The following SLC1A2 variants were observed in gnomAD, a reference collection of about 807,000 sequenced individuals.
SLC1A2 encodes excitatory amino acid transporter 2.
Under a neutral mutation model 48.8 loss-of-function variants are expected in SLC1A2, and 15 were observed. The observed-to-expected ratio is 0.31, with a 90% confidence interval of 0.21 to 0.47. The LOEUF is 0.47. SLC1A2 is among the 20% of genes least tolerant of loss of function. SLC1A2 has a pLI of 0.99. For synonymous variants in SLC1A2, 279 were observed against 272.6 expected (o/e 1.02, Z -0.23); for missense variants, 502 against 730.5 (o/e 0.69, Z 3.61).
rs1295638265 is a variant in SLC1A2 at position 35,255,491 on chromosome 11, C to T, written c.*5403G>A. The T allele has an allele frequency of 2.0e-5, 3 of 152,142 alleles. No homozygotes were observed. The highest frequency in any genetic ancestry group is 4.8e-5 in the African/African-American group (2 of 41,426). 9.4% of individuals were successfully genotyped at this position (152,142 alleles called of 1,614,324 possible). A position where few individuals can be genotyped will look rare whatever the true frequency, so the allele number is the denominator to read the frequency against. ...ATGGGTGTGCATGTCTACATACTGG[C>T]GGAGAAGAAAAGATATTTACAAACA... On this transcript the variant is annotated 3_prime_UTR_variant, in exon 11 of 11. Transcript: ENST00000278379.
At chr11:35,364,047 C>G (rs1853766758) in intron 1 of SLC1A2, among the ~76,000 whole-genome samples, 1 of 152,170 alleles carries the variant, frequency 6.6e-6, no homozygotes, top group Non-Finnish European at 1.5e-5. Context: ...ATCCCATGCA[C>G]AGAGGCTGGA....
At chr11:35,349,486 TTCC>T (rs141805693) in intron 1 of SLC1A2, among the ~76,000 whole-genome samples, 2,279 of 152,274 alleles carry the variant, frequency 0.015, 55 homozygotes, top group African/African-American at 0.05. Context: ...TGGTACTGTC[TTCC>T]TCATCTCAGA....
chr11:35,407,063 G>A (rs1278147759), intron 1 of SLC1A2, among the ~76,000 whole-genome samples: 1 of 150,122 alleles, frequency 6.7e-6, no homozygotes, highest in African/African-American at 2.5e-5. Context: ...GGGAGACTTA[G>A]AAAGGACTTA....
chr11:35,331,337 AGTTCTTTACTTTG>A (rs1423029176), intron 1 of SLC1A2, among the ~76,000 whole-genome samples: 2 of 152,200 alleles, frequency 1.3e-5, no homozygotes, highest in African/African-American at 4.8e-5. Flanking sequence ...GGACTTGTGC[AGTTCTTTACTTTG>A]GTTCCTTCTA....
At chr11:35,266,891 A>C (rs1950493705) in intron 9 of SLC1A2, among the ~76,000 whole-genome samples, 1 of 152,154 alleles carries the variant, frequency 6.6e-6, no homozygotes, top group South Asian at 2.1e-4. Context: ...CTTATTAGAG[A>C]ATAATAAGGA....
chr11:35,265,301 G>A (rs1317757467), intron 10 of SLC1A2: 10 of 554,062 alleles, frequency 1.8e-5, no homozygotes, highest in African/African-American at 3.8e-5. Flanking sequence ...TCACATGGAC[G>A]AAATAAGCAA....
chr11:35,263,638 GTTAA>G (rs1203310290), intron 10 of SLC1A2, among the ~76,000 whole-genome samples: 2 of 152,108 alleles, frequency 1.3e-5, no homozygotes, highest in Non-Finnish European at 2.9e-5. Context: ...GCCATACGCA[GTTAA>G]CCACTAGGAT....
intron 1 of SLC1A2, among the ~76,000 whole-genome samples, chr11:35,362,070 C>G (rs1047739846): frequency 6.6e-6 from 1 of 152,332 alleles, no homozygotes; most frequent in African/African-American, 2.4e-5. Flanking sequence ...GAGGTTAGCA[C>G]AGAGAATGGA....
chr11:35,323,000 C>T, intron 1 of SLC1A2: 1 of 547,032 alleles, frequency 1.8e-6, no homozygotes, highest in South Asian at 2.2e-5. Flanking sequence ...GTCAGTCTCT[C>T]TCTGACAGAT....
chr11:35,412,042 C>CAAAA (rs5791054), intron 1 of SLC1A2, among the ~76,000 whole-genome samples: 1 of 134,294 alleles, frequency 7.4e-6, no homozygotes, highest in Non-Finnish European at 1.6e-5. Context: ...CTTACTGGAG[C>CAAAA]AAAAAAAAAA....
chr11:35,305,925 C>A (rs1014895314), intron 5 of SLC1A2, 149 bp downstream of exon 5: 4 of 624,242 alleles, frequency 6.4e-6, no homozygotes, highest in Non-Finnish European at 1.1e-5. Context: ...TCGCTCAGCT[C>A]TCAGTCCCAG....
intron 9 of SLC1A2, 81 bp downstream of exon 9, chr11:35,280,786 C>A (rs1850604815): frequency 3.2e-6 from 3 of 936,784 alleles, no homozygotes; most frequent in Non-Finnish European, 4.8e-6. Flanking sequence ...TAGCTAAGAT[C>A]TTGGTTGCAA....
chr11:35,329,230 G>C (rs1426948531), intron 1 of SLC1A2, among the ~76,000 whole-genome samples: 1 of 152,228 alleles, frequency 6.6e-6, no homozygotes, highest in Admixed American at 6.5e-5. Context: ...CTGAATAGGT[G>C]AAGCACGGAG....
Position 35,312,274 on chromosome 11 carries a change from A to C in SLC1A2, c.485T>G (p.Val162Gly). 1 of 1,614,118 alleles carries C rather than the reference A, an allele frequency of 6.2e-7. No individual in the cohort carries two copies. The highest frequency in any genetic ancestry group is 8.5e-7 in the Non-Finnish European group (1 of 1,179,962). The part of the protein sequence containing the change: ...QLGPGKKNDE[V>G]SSLDAFLDLI... ...GTCCAGGAAGGCATCCAGGCTGGACACTTCATCATTCTTCTTCCCAGGCCC... is the reference window on the plus strand; with the variant it reads ...GTCCAGGAAGGCATCCAGGCTGGACCCTTCATCATTCTTCTTCCCAGGCCC... The change falls in exon 4 of 11, where the codon GTG (valine) becomes GGG (glycine). Residue 162 changes from valine to glycine, a missense_variant. Coordinates refer to ENST00000278379, the MANE Select transcript of SLC1A2 (RefSeq NM_004171.4).
intron 1 of SLC1A2, among the ~76,000 whole-genome samples, chr11:35,344,706 C>T (rs1370705909): frequency 6.6e-6 from 1 of 152,184 alleles, no homozygotes; most frequent in Non-Finnish European, 1.5e-5. Flanking sequence ...AGAAGGCCAA[C>T]CTCCCTCTTC....
chr11:35,313,292 T>C (rs2134876050), intron 3 of SLC1A2, among the ~76,000 whole-genome samples: 1 of 152,324 alleles, frequency 6.6e-6, no homozygotes, highest in Non-Finnish European at 1.5e-5. Flanking sequence ...CCCAGTCCTC[T>C]CATTTCTCTG....
At chr11:35,282,957 T>C (rs1850689233) in intron 8 of SLC1A2, among the ~76,000 whole-genome samples, 1 of 151,824 alleles carries the variant, frequency 6.6e-6, no homozygotes, top group African/African-American at 2.4e-5. Flanking sequence ...GCCTTCTGCT[T>C]TGCCTGGCCT....
chr11:35,314,712 C>CAAA (rs531467759), intron 3 of SLC1A2, among the ~76,000 whole-genome samples: 1 of 132,668 alleles, frequency 7.5e-6, no homozygotes, highest in Admixed American at 7.5e-5. Flanking sequence ...GACTCCATCT[C>CAAA]AAAAAAAAAA....
chr11:35,255,701 T>A lies in SLC1A2; in HGVS notation c.*5193A>T, dbSNP rs867356801. On this transcript the variant is annotated 3_prime_UTR_variant, in exon 11 of 11. Transcript: ENST00000278379. ...TGATGCAACAGCTTGAGTGAGGCTGTAGGTTCATCCAGTCCTCTCATGTTG... is the reference window on the plus strand; with the variant it reads ...TGATGCAACAGCTTGAGTGAGGCTGAAGGTTCATCCAGTCCTCTCATGTTG... The A allele has an allele frequency of 6.6e-6, 1 of 152,228 alleles. No homozygotes were observed. The highest frequency in any genetic ancestry group is 2.4e-5 in the African/African-American group (1 of 41,458). 9.4% of individuals were successfully genotyped at this position (152,228 alleles called of 1,614,324 possible). A position where few individuals can be genotyped will look rare whatever the true frequency, so the allele number is the denominator to read the frequency against.
Sources: gnomAD v4.1 joint callset for allele counts (sites outside exome capture counted in the v4.1 genomes callset) on GRCh38, gnomAD v4.1.1 for gene constraint, MANE v1.5 for transcripts, NCBI Gene and HGNC (gene_info 2026-07-23, HGNC 2026-07-21) for gene names.